ORC5: variants seen among roughly 807,000 people sequenced by gnomAD.
ORC5 encodes protein phosphatase 1, regulatory subunit 117.
ORC5 carries 39 observed loss-of-function variants against 58.8 expected under a neutral mutation model. That is an observed-to-expected ratio of 0.66 (90% CI 0.51 to 0.87). The LOEUF (loss-of-function observed/expected upper bound fraction) is 0.87. ORC5 is among the 40% of genes least tolerant of loss of function. The pLI is 0.00. For missense variants in ORC5, 493 were observed against 506.3 expected (o/e 0.97, Z 0.25); for synonymous variants, 218 against 177.6 (o/e 1.23, Z -1.81).
Position 104,133,626 on chromosome 7 carries a change from G to A in ORC5, c.1262+3155C>T, listed in dbSNP as rs1383207564. Among the ~76,000 whole-genome samples, 1 of 152,060 alleles carries A rather than the reference G, an allele frequency of 6.6e-6. No homozygotes were observed. Among genetic ancestry groups the A allele is most frequent in the Non-Finnish European group, 1.5e-5 (1 of 68,010 alleles). Reference sequence around the variant, plus strand: ...AAATAGGTCTGGTCTTTAAAAACAGGGGCATTATTAATACACAGATGATTG... The same window carrying A: ...AAATAGGTCTGGTCTTTAAAAACAGAGGCATTATTAATACACAGATGATTG... On this transcript the variant is annotated intron_variant, in intron 13 of 13. Transcript: ENST00000297431. This position sits in a 1 kb window ranked among gnomAD's most constrained non-coding sequence, Gnocchi z 4.7.
intron 11 of ORC5, among the ~76,000 whole-genome samples, chr7:104,164,281 A>G (rs1799071410): frequency 6.6e-6 from 1 of 152,088 alleles, no homozygotes; most frequent in African/African-American, 2.4e-5. Context: ...AAAATTAGCC[A>G]GGCACAGTGG....
rs1303817838 is a variant in ORC5 at position 104,133,740 on chromosome 7, A to G, written c.1262+3041T>C. On this transcript the variant is annotated intron_variant, in intron 13 of 13. Coordinates refer to ENST00000297431, the MANE Select transcript of ORC5 (RefSeq NM_002553.4). The surrounding 1 kb of genome is among the most constrained non-coding windows in gnomAD (Gnocchi z 4.7). ...GGGCCAAGCCTAAAGGAACAGTTAT[A>G]TTTAAAGGTCAGATGGTAAAGATAG... Among the ~76,000 whole-genome samples, 1 of 152,190 alleles carries G rather than the reference A, an allele frequency of 6.6e-6. No individual in the cohort carries two copies. Among genetic ancestry groups the G allele is most frequent in the Non-Finnish European group, 1.5e-5 (1 of 68,040 alleles).
chr7:104,150,829 T>C (rs1798833481), intron 12 of ORC5, among the ~76,000 whole-genome samples: 2 of 150,122 alleles, frequency 1.3e-5, no homozygotes, highest in African/African-American at 4.8e-5. Context: ...ATCAGGGTAG[T>C]TGGAGACAAA....
intron 1 of ORC5, among the ~76,000 whole-genome samples, chr7:104,206,002 T>C (rs1037782689): frequency 1.3e-5 from 2 of 152,126 alleles, no homozygotes; most frequent in African/African-American, 2.4e-5. Flanking sequence ...AGCCAAACCC[T>C]GTCTCAAAAA....
intron 13 of ORC5, among the ~76,000 whole-genome samples, chr7:104,127,193 G>A (rs1232139648): frequency 6.6e-6 from 1 of 151,172 alleles, no homozygotes; most frequent in African/African-American, 2.4e-5. Flanking sequence ...GACTTCATTT[G>A]AAAGCTATTT....
chr7:104,197,892 G>A, intron 3 of ORC5, 93 bp from the exon 4 acceptor site: 1 of 725,020 alleles, frequency 1.4e-6, no homozygotes, highest in South Asian at 2.1e-5. Context: ...AAGTTCATGT[G>A]TTGGAACTTA....
At chr7:104,184,681 C>A (rs1272844290) in intron 6 of ORC5, among the ~76,000 whole-genome samples, 1 of 151,792 alleles carries the variant, frequency 6.6e-6, no homozygotes, top group African/African-American at 2.4e-5. Context: ...CAAGAACAGC[C>A]CTGAAAAGCT....
At position 104,136,912 on chromosome 7, in the gene ORC5, A is replaced by G. The variant is rs767874019; in HGVS notation, c.1150-19T>C. The G allele has an allele frequency of 6.7e-7, 1 of 1,488,106 alleles. No individual in the cohort carries two copies. Among genetic ancestry groups the G allele is most frequent in the East Asian group, 2.3e-5 (1 of 44,212 alleles). The allele number at this position is 1,488,106 out of a possible 1,614,324, so 92.2% of individuals were successfully genotyped here. On this transcript the variant is annotated intron_variant, in intron 12 of 13. Transcript: ENST00000297431. The surrounding 1 kb of genome is among the most constrained non-coding windows in gnomAD (Gnocchi z 4.2). ...AGGTAATCTAAAAGAGAACATTTTT[A>G]TAAGAAACTGTTTTAATAAGATTAT... is the stretch of plus-strand genomic sequence containing the variant.
intron 8 of ORC5, among the ~76,000 whole-genome samples, chr7:104,170,142 T>C (rs1044766328): frequency 6.6e-6 from 1 of 152,248 alleles, no homozygotes; most frequent in African/African-American, 2.4e-5. Context: ...TGTTGATCCA[T>C]TTGTTTCACT....
At chr7:104,149,033 C>CA (rs35619742) in intron 12 of ORC5, among the ~76,000 whole-genome samples, 66 of 122,778 alleles carry the variant, frequency 5.4e-4, no homozygotes, top group East Asian at 2.9e-3. Context: ...GACTCCGTCT[C>CA]AAAAAAAAAA....
In ORC5 at chr7:104,133,262, T is replaced by C. The variant is rs1470606211; in HGVS notation, c.1262+3519A>G. ...GCAGACAGAAGATCAATTAGACTGT[T>C]AGAGAAGAGATGATGGTGGCTTGAT... On this transcript the variant is annotated intron_variant, in intron 13 of 13. Transcript: ENST00000297431. This position sits in a 1 kb window ranked among gnomAD's most constrained non-coding sequence, Gnocchi z 4.7. Among the ~76,000 whole-genome samples the C allele has an allele frequency of 6.6e-6, 1 of 152,108 alleles. No homozygotes were observed. Among genetic ancestry groups the C allele is most frequent in the African/African-American group, 2.4e-5 (1 of 41,388 alleles).
chr7:104,179,580 T>C (rs1189096934), intron 8 of ORC5, among the ~76,000 whole-genome samples: 1 of 149,270 alleles, frequency 6.7e-6, no homozygotes, highest in Non-Finnish European at 1.5e-5. Context: ...TTAGTAAAAA[T>C]TAGAGGTTTT....
intron 4 of ORC5, among the ~76,000 whole-genome samples, chr7:104,195,734 T>G (rs1306330730): frequency 6.6e-6 from 1 of 152,192 alleles, no homozygotes; most frequent in Admixed American, 6.5e-5. Flanking sequence ...AGGGGTAAAA[T>G]AGCATGCCCT....
At position 104,201,081 on chromosome 7, in the gene ORC5, C is replaced by G. The variant is rs74633275; in HGVS notation, c.166-123G>C. On this transcript the variant is annotated intron_variant, in intron 2 of 13. Transcript: ENST00000297431. Reference sequence around the variant, plus strand: ...ATCCCACCAAACCCACCCCATGCCCCAAGAGCCTGACAGCTACAGAATTAC... The same window carrying G: ...ATCCCACCAAACCCACCCCATGCCCGAAGAGCCTGACAGCTACAGAATTAC... 3,361 of 718,570 alleles carry G rather than the reference C, an allele frequency of 4.7e-3. 95 individuals carry two copies. The African/African-American group carries it at 0.053, about 11-fold the overall frequency. The allele number at this position is 718,570 out of a possible 1,614,324, so 44.5% of individuals were successfully genotyped here. A position where few individuals can be genotyped will look rare whatever the true frequency, so the allele number is the denominator to read the frequency against.
chr7:104,159,161 G>A (rs1267639145), intron 12 of ORC5, among the ~76,000 whole-genome samples: 2 of 150,666 alleles, frequency 1.3e-5, no homozygotes, highest in African/African-American at 5.0e-5. Flanking sequence ...AAAATGATGA[G>A]TTCATGTCCT....
In ORC5 at chr7:104,200,802, G is replaced by A; in HGVS notation, c.322C>T (p.Gln108Ter). ...TTAAGATTTTCAGCTGTGGTTACTT[G>A]TTTAAACAAGCGAACAAAGTCATTA... The part of the protein sequence containing the change: ...TFNDFVRLFK[Q>*]VTTAENLKDQ... Residue 108 changes from glutamine (Q) to a stop codon, truncating the protein, a stop_gained, in exon 3 of 14, where the codon CAA becomes TAA. Transcript: ENST00000297431. LOFTEE classifies it high-confidence loss of function. 1 of 1,611,876 alleles carries A rather than the reference G, an allele frequency of 6.2e-7. No individual in the cohort carries two copies. Among genetic ancestry groups the A allele is most frequent in the East Asian group, 2.2e-5 (1 of 44,854 alleles).
chr7:104,180,421 G>T (rs1296575767), intron 8 of ORC5, among the ~76,000 whole-genome samples: 3 of 152,048 alleles, frequency 2.0e-5, no homozygotes, highest in Non-Finnish European at 4.4e-5. Context: ...TTAAATCCAG[G>T]TAACTTTCTA....
At chr7:104,153,839 C>T (rs3808015) in intron 12 of ORC5, among the ~76,000 whole-genome samples, 94,297 of 151,894 alleles carry the variant, frequency 0.62, 31,309 homozygotes, top group Non-Finnish European at 0.76. Flanking sequence ...CAAATTGTTA[C>T]CTGATCAATA....
In ORC5 at chr7:104,200,940, T is replaced by C; in HGVS notation, c.184A>G (p.Asn62Asp). ...CTCAATGTAAAGCATTCAACACAAT[T>C]CACAAACACATGTGGGAGCTGAAAA... ...KTLELPHVFV[N>D]CVECFTLRLL... The change falls in exon 3 of 14, where the codon AAT becomes GAT. Residue 62 changes from asparagine (N) to aspartate (D), a missense_variant. Transcript: ENST00000297431. 6.2e-7 allele frequency: 1 copy of C among 1,613,164 alleles called. No individual in the cohort carries two copies. Among genetic ancestry groups the C allele is most frequent in the Non-Finnish European group, 8.5e-7 (1 of 1,179,394 alleles).
Sources: gnomAD v4.1 joint callset for allele counts (sites outside exome capture counted in the v4.1 genomes callset) on GRCh38, gnomAD v4.1.1 for gene constraint, Gnocchi (gnomAD v3.1) non-coding constraint, MANE v1.5 for transcripts, NCBI Gene and HGNC (gene_info 2026-07-23, HGNC 2026-07-21) for gene names.